The following LIPC variants were observed in gnomAD, a reference collection of about 807,000 sequenced individuals.
LIPC encodes the protein hepatic triacylglycerol lipase.
LIPC carries 44 observed loss-of-function variants against 50.7 expected under a neutral mutation model. The observed-to-expected ratio is 0.87, with a 90% CI of 0.68 to 1.11. The LOEUF (loss-of-function observed/expected upper bound fraction) is 1.11. Among genes scored for constraint, LIPC ranks in the 50% most tolerant of loss-of-function variants. The pLI, the probability that LIPC is intolerant of heterozygous loss-of-function variation, is 0.00. For synonymous variants in LIPC, 271 were observed against 256.4 expected, an observed-to-expected ratio of 1.06 and a Z score of -0.54; for missense variants, 697 against 648.2, an observed-to-expected ratio of 1.08 and a Z score of -0.82.
intron 1 of LIPC, among the ~76,000 whole-genome samples, chr15:58,536,859 T>C (rs994163956): frequency 5.9e-5 from 9 of 152,258 alleles, no homozygotes; most frequent in Non-Finnish European, 1.3e-4. Context: ...TAATACCCTT[T>C]GGGTAGGAAA....
chr15:58,440,562 C>G (rs1367031436), intron 1 of LIPC, among the ~76,000 whole-genome samples: 2 of 152,226 alleles, frequency 1.3e-5, no homozygotes, highest in African/African-American at 4.8e-5. Context: ...AAGCGTACAT[C>G]CACTCACCAA....
rs181776535 is a variant in LIPC at position 58,520,855 on chromosome 15, A to G, written c.89-17478A>G. Among the ~76,000 whole-genome samples the G allele has an allele frequency of 6.8e-3, 1,039 of 152,320 alleles. 10 individuals carry two copies. The highest frequency in any genetic ancestry group is 9.4e-3 in the Non-Finnish European group (637 of 68,018). ...TCACAGGAAACAGTTTGAGATCAGAAAAGCCTTCACAAAGGCAATTTTTAA... is the reference window on the plus strand; with the variant it reads ...TCACAGGAAACAGTTTGAGATCAGAGAAGCCTTCACAAAGGCAATTTTTAA... On this transcript the variant is annotated intron_variant, in intron 1 of 8. Transcript: ENST00000299022.
At chr15:58,475,400 A>C (rs1372106893) in intron 1 of LIPC, among the ~76,000 whole-genome samples, 1 of 152,168 alleles carries the variant, frequency 6.6e-6, no homozygotes, top group African/African-American at 2.4e-5. Context: ...GCCCTTCACC[A>C]TCTGCCTCTT....
chr15:58,468,244 C>T (rs6494010), intron 1 of LIPC, among the ~76,000 whole-genome samples: 17,388 of 152,168 alleles, frequency 0.11, 1,213 homozygotes, highest in Non-Finnish European at 0.17. Flanking sequence ...TCACGGCCAC[C>T]TCCCAGACCC....
chr15:58,482,838 A>G (rs1202733782), intron 1 of LIPC, among the ~76,000 whole-genome samples: 1 of 152,200 alleles, frequency 6.6e-6, no homozygotes, highest in Non-Finnish European at 1.5e-5. Context: ...CCAGGTTTAG[A>G]CATCAGGAAA....
chr15:58,469,102 T>TTGTGTGTGTGTGTGTGTG (rs56309142), intron 1 of LIPC, among the ~76,000 whole-genome samples: 3 of 140,624 alleles, frequency 2.1e-5, no homozygotes, highest in East Asian at 2.1e-4. Context: ...AGGGAACATT[T>TTGTGTGTGTGTGTGTGTG]TGTGTGTGTG....
At chr15:58,503,969 G>A (rs74845187) in intron 1 of LIPC, among the ~76,000 whole-genome samples, 1 of 152,152 alleles carries the variant, frequency 6.6e-6, no homozygotes, top group Non-Finnish European at 1.5e-5. Flanking sequence ...ACATTTTTCA[G>A]AAGAAAGCCA....
intron 1 of LIPC, among the ~76,000 whole-genome samples, chr15:58,489,008 T>C (rs1277854858): frequency 1.3e-5 from 2 of 152,158 alleles, no homozygotes; most frequent in African/African-American, 4.8e-5. Flanking sequence ...AATGAGAGTG[T>C]GCATCTGCAA....
intron 1 of LIPC, among the ~76,000 whole-genome samples, chr15:58,516,700 T>C (rs927786012): frequency 2.6e-5 from 4 of 152,250 alleles, no homozygotes; most frequent in Non-Finnish European, 4.4e-5. Context: ...CCCATATTTC[T>C]TCTTAGCATG....
At chr15:58,561,699 T>C (rs556034928) in intron 7 of LIPC, among the ~76,000 whole-genome samples, 89 of 152,340 alleles carry the variant, frequency 5.8e-4, no homozygotes, top group African/African-American at 2.1e-3. Context: ...AATAGTTTAA[T>C]TTCTTTCAGG....
At chr15:58,561,003 C>G in intron 7 of LIPC, 22 bp downstream of exon 7, 1 of 986,118 alleles carries the variant, frequency 1.0e-6, no homozygotes, top group African/African-American at 2.6e-5. Context: ...GTGTAGCCCC[C>G]TAGGGTGATG....
chr15:58,432,054 T>C lies in LIPC; in HGVS notation c.22T>C (p.Phe8Leu), dbSNP rs1893141723. 1 of 1,614,046 alleles carries C rather than the reference T, an allele frequency of 6.2e-7. No homozygotes were observed. The highest frequency in any genetic ancestry group is 2.2e-5 in the East Asian group (1 of 44,880). MDTSPLC[F>L]SILLVLCIFI... ...AGAAATGGACACAAGTCCCCTGTGT[T>C]TCTCCATTCTGTTGGTTTTATGCAT... The change falls in exon 1 of 9, where the codon TTC (phenylalanine) becomes CTC (leucine). Residue 8 changes from phenylalanine (F) to leucine (L), a missense_variant. Coordinates refer to ENST00000299022, the MANE Select transcript of LIPC (RefSeq NM_000236.3).
chr15:58,569,476 T>C lies in LIPC; in HGVS notation c.*649T>C, dbSNP rs1894484282. ...TTAAATAAACATAATTATTATATCTTACTAATGCTTGCAACAAAAGCTAAT... is the reference window on the plus strand; with the variant it reads ...TTAAATAAACATAATTATTATATCTCACTAATGCTTGCAACAAAAGCTAAT... On this transcript the variant is annotated 3_prime_UTR_variant, in exon 9 of 9. Coordinates refer to ENST00000299022, the MANE Select transcript of LIPC (RefSeq NM_000236.3). The C allele has an allele frequency of 6.6e-6, 1 of 152,226 alleles. No homozygotes were observed. Among genetic ancestry groups the C allele is most frequent in the South Asian group, 2.1e-4 (1 of 4,834 alleles). The allele number at this position is 152,226 out of a possible 1,614,324, so 9.4% of individuals were successfully genotyped here.
At chr15:58,555,450 C>G (rs958842630) in intron 6 of LIPC, among the ~76,000 whole-genome samples, 1 of 152,144 alleles carries the variant, frequency 6.6e-6, no homozygotes, top group South Asian at 2.1e-4. Flanking sequence ...TTTCAAGGGA[C>G]AGACTCAGCT....
rs1419695477 is a variant in LIPC at position 58,538,459 on chromosome 15, T to C, written c.215T>C (p.Leu72Ser). The change falls in exon 2 of 9, where the codon TTA (leucine) becomes TCA (serine). Residue 72 changes from leucine (L) to serine (S), a missense_variant. By Grantham distance (145) the Leu-to-Ser change is moderately radical. Transcript: ENST00000299022. ...CQIRINHPDT[L>S]QECGFNSSLP... Reference sequence around the variant, plus strand: ...ATTCGAATCAATCATCCGGACACGTTACAGGAGTGCGGCTTCAACTCCTCC... The same window carrying C: ...ATTCGAATCAATCATCCGGACACGTCACAGGAGTGCGGCTTCAACTCCTCC... 1.2e-6 allele frequency: 2 copies of C among 1,614,204 alleles called. No homozygotes were observed. Among genetic ancestry groups the C allele is most frequent in the Non-Finnish European group, 1.7e-6 (2 of 1,180,036 alleles).
At chr15:58,432,678 T>G (rs1893165505) in intron 1 of LIPC, among the ~76,000 whole-genome samples, 1 of 152,236 alleles carries the variant, frequency 6.6e-6, no homozygotes, top group South Asian at 2.1e-4. Flanking sequence ...CCTGTTTTGT[T>G]TGTAAATTCA....
chr15:58,563,714 C>T lies in LIPC; in HGVS notation c.1379C>T (p.Thr460Ile), dbSNP rs746618309. Residue 460 changes from threonine to isoleucine, a missense_variant, in exon 8 of 9, where the codon ACC (threonine) becomes ATC (isoleucine). Transcript: ENST00000299022. ...LKTIRVKAGE[T>I]QQRMTFCSEN... ...ACGATCAGAGTCAAAGCAGGAGAAA[C>T]CCAGCAAAGGTGACTGCTGATTCAA... 6.2e-7 allele frequency: 1 copy of T among 1,612,692 alleles called. No homozygotes were observed. Among genetic ancestry groups the T allele is most frequent in the African/African-American group, 1.3e-5 (1 of 74,900 alleles).
intron 1 of LIPC, among the ~76,000 whole-genome samples, chr15:58,528,373 T>C (rs1450121982): frequency 6.6e-6 from 1 of 152,180 alleles, no homozygotes; most frequent in Non-Finnish European, 1.5e-5. Flanking sequence ...TCACTCATAA[T>C]AATCCTATAA....
chr15:58,535,866 T>C (rs1346070917), intron 1 of LIPC, among the ~76,000 whole-genome samples: 2 of 152,212 alleles, frequency 1.3e-5, no homozygotes, highest in Admixed American at 1.3e-4. Context: ...AAAGGTGTAG[T>C]GTTTCAGTCT....
Sources: gnomAD v4.1 joint callset for allele counts (sites outside exome capture counted in the v4.1 genomes callset) on GRCh38, gnomAD v4.1.1 for gene constraint, MANE v1.5 for transcripts, NCBI Gene and HGNC (gene_info 2026-07-23, HGNC 2026-07-21) for gene names.